The following PRSS16 variants were observed in gnomAD, a reference collection of about 807,000 sequenced individuals.
PRSS16 encodes the protein thymus-specific serine protease.
A neutral mutation model predicts 61.7 loss-of-function variants in PRSS16; 43 were observed. The ratio of observed to expected loss-of-function variants is 0.70; its 90% CI spans 0.55 to 0.90. PRSS16 has a LOEUF of 0.90. Ranked by LOEUF, PRSS16 falls within the 40% of genes least tolerant of loss-of-function variation. The pLI is 0.00. For synonymous variants in PRSS16, 273 were observed against 285.2 expected, an observed-to-expected ratio of 0.96 and a Z score of 0.43; for missense variants, 591 against 659.1, an observed-to-expected ratio of 0.90 and a Z score of 1.13.
At position 27,252,670 on chromosome 6, in the gene PRSS16, AC is replaced by A; in HGVS notation, c.1009-136del. On this transcript the variant is annotated intron_variant, in intron 8 of 11. Coordinates refer to ENST00000230582, the MANE Select transcript of PRSS16 (RefSeq NM_005865.4). The surrounding 1 kb of genome is among the most constrained non-coding windows in gnomAD (Gnocchi z 4.2). The stretch of plus-strand genomic sequence containing the variant: ...AGGACCCAGGCATCCACCCCCTCTG[AC>A]CACTGACTCCCAGGAGAACTCAGGA... The A allele has an allele frequency of 1.2e-6, 1 of 867,128 alleles. No homozygotes were observed. Among genetic ancestry groups the A allele is most frequent in the Non-Finnish European group, 1.8e-6 (1 of 560,282 alleles). The allele number at this position is 867,128 out of a possible 1,614,324, so 53.7% of individuals were successfully genotyped here. A position where few individuals can be genotyped will look rare whatever the true frequency, so the allele number is the denominator to read the frequency against.
intron 9 of PRSS16, 91 bp from the exon 10 acceptor site, chr6:27,254,602 G>A: frequency 8.0e-7 from 1 of 1,244,176 alleles, no homozygotes; most frequent in Non-Finnish European, 1.2e-6. Flanking sequence ...GAAATGTTCT[G>A]GTCATCACTG....
rs1284118401 is a variant in PRSS16, at chr6:27,251,568, G to A, written c.718-182G>A. The A allele has an allele frequency of 1.2e-6, 1 of 821,808 alleles. No homozygotes were observed. Among genetic ancestry groups the A allele is most frequent in the East Asian group, 2.8e-5 (1 of 35,614 alleles). The allele number at this position is 821,808 out of a possible 1,614,324, so 50.9% of individuals were successfully genotyped here. A position where few individuals can be genotyped will look rare whatever the true frequency, so the allele number is the denominator to read the frequency against. On this transcript the variant is annotated intron_variant, in intron 7 of 11. Transcript: ENST00000230582. This position sits in a 1 kb window ranked among gnomAD's most constrained non-coding sequence, Gnocchi z 5.6. ...CCTGCAGGGAAGACCCGAGAAGGAGGGCTGCGAGGCAGGGGATTGGGGGCG... is the reference window on the plus strand; with the variant it reads ...CCTGCAGGGAAGACCCGAGAAGGAGAGCTGCGAGGCAGGGGATTGGGGGCG...
chr6:27,251,452 G>A lies in PRSS16; in HGVS notation c.717+188G>A. The A allele has an allele frequency of 1.2e-6, 1 of 825,792 alleles. No homozygotes were observed. Among genetic ancestry groups the A allele is most frequent in the Non-Finnish European group, 1.8e-6 (1 of 546,782 alleles). 51.2% of individuals were successfully genotyped at this position (825,792 alleles called of 1,614,324 possible). ...GAAGAGGAGGGGCACCAGGAAAAGA[G>A]GCGCTCCCCAGAGAGGGCGGGGTTT... On this transcript the variant is annotated intron_variant, in intron 7 of 11. Coordinates refer to ENST00000230582, the MANE Select transcript of PRSS16 (RefSeq NM_005865.4). This position sits in a 1 kb window ranked among gnomAD's most constrained non-coding sequence, Gnocchi z 5.6.
chr6:27,255,314 GAA>G lies in PRSS16; in HGVS notation c.1545_*1del. 1 of 1,606,212 alleles carries G rather than the reference GAA, an allele frequency of 6.2e-7. No homozygotes were observed. The highest frequency in any genetic ancestry group is 8.5e-7 in the Non-Finnish European group (1 of 1,174,758). On this transcript the variant is annotated stop_lost and 3_prime_UTR_variant, in exon 12 of 12. Coordinates refer to ENST00000230582, the MANE Select transcript of PRSS16 (RefSeq NM_005865.4). This position sits in a 1 kb window ranked among gnomAD's most constrained non-coding sequence, Gnocchi z 4.4. ...GAGAGCCAGATTAAGGGTGAAGTCT[GAA>G]TCTCATACCCTTTCCACTCCCTGCA...
At position 27,251,994 on chromosome 6, in the gene PRSS16, A is replaced by G. The variant is rs1305749464; in HGVS notation, c.962A>G (p.Asn321Ser). The part of the protein sequence containing the change: ...LCGLLLGGGG[N>S]RSHSTPYCGL... Reference sequence around the variant, plus strand: ...GGACTTCTCCTCGGGGGCGGGGGCAACCGCAGCCACTCCACGCCCTACTGC... The same window carrying G: ...GGACTTCTCCTCGGGGGCGGGGGCAGCCGCAGCCACTCCACGCCCTACTGC... The change falls in exon 8 of 12, where the codon AAC (asparagine) becomes AGC (serine). Residue 321 changes from asparagine to serine, a missense_variant. Coordinates refer to ENST00000230582, the MANE Select transcript of PRSS16 (RefSeq NM_005865.4). The surrounding 1 kb of genome is among the most constrained non-coding windows in gnomAD (Gnocchi z 5.6). 5 of 1,581,216 alleles carry G rather than the reference A, an allele frequency of 3.2e-6. No individual in the cohort carries two copies. The highest frequency in any genetic ancestry group is 1.3e-5 in the African/African-American group (1 of 74,354).
chr6:27,250,616 C>T (rs1759856752), intron 4 of PRSS16, 67 bp from the exon 5 acceptor site: 1 of 1,512,804 alleles, frequency 6.6e-7, no homozygotes, highest in African/African-American at 1.4e-5. Context: ...CGGGTTTCCC[C>T]CAGAATGGGG....
rs1759927906 is a variant in PRSS16, at chr6:27,252,114, G to A, written c.1008+74G>A. On this transcript the variant is annotated intron_variant, in intron 8 of 11. Coordinates refer to ENST00000230582, the MANE Select transcript of PRSS16 (RefSeq NM_005865.4). This position sits in a 1 kb window ranked among gnomAD's most constrained non-coding sequence, Gnocchi z 4.2. ...TGCCCCACTTCCGTTGTGTGATCTT[G>A]GGCAAGCGAGAACCTTCTCTGAAAC... is the stretch of plus-strand genomic sequence containing the variant. 1 of 1,411,880 alleles carries A rather than the reference G, an allele frequency of 7.1e-7. No individual in the cohort carries two copies. The highest frequency in any genetic ancestry group is 9.2e-7 in the Non-Finnish European group (1 of 1,082,420). 87.5% of individuals were successfully genotyped at this position (1,411,880 alleles called of 1,614,324 possible). A position where few individuals can be genotyped will look rare whatever the true frequency, so the allele number is the denominator to read the frequency against.
rs1008100058 is a variant in PRSS16, at chr6:27,251,554, G to C, written c.718-196G>C. The C allele has an allele frequency of 7.5e-6, 5 of 663,572 alleles. No individual in the cohort carries two copies. Among genetic ancestry groups the C allele is most frequent in the African/African-American group, 2.0e-5 (1 of 49,706 alleles). 41.1% of individuals were successfully genotyped at this position (663,572 alleles called of 1,614,324 possible). ...AATGGAGGACGGGGCCTGCAGGGAA[G>C]ACCCGAGAAGGAGGGCTGCGAGGCA... is the stretch of plus-strand genomic sequence containing the variant. On this transcript the variant is annotated intron_variant, in intron 7 of 11. Transcript: ENST00000230582. This position sits in a 1 kb window ranked among gnomAD's most constrained non-coding sequence, Gnocchi z 5.6.
intron 3 of PRSS16, 31 bp from the exon 4 acceptor site, chr6:27,249,067 CCT>C (rs769285329): frequency 2.3e-6 from 2 of 875,708 alleles, no homozygotes; most frequent in South Asian, 3.1e-5. Flanking sequence ...TTGCATCTCA[CCT>C]CCCCACCCCC....
rs1689637323 is a variant in PRSS16, at chr6:27,251,760, C to T, written c.728C>T (p.Ala243Val). 8 of 1,603,486 alleles carry T rather than the reference C, an allele frequency of 5.0e-6. No individual in the cohort carries two copies. The highest frequency in any genetic ancestry group is 6.8e-6 in the Non-Finnish European group (8 of 1,178,014). The change falls in exon 8 of 12, where the codon GCG becomes GTG. Residue 243 changes from alanine (A) to valine (V), a missense_variant. Transcript: ENST00000230582. This position sits in a 1 kb window ranked among gnomAD's most constrained non-coding sequence, Gnocchi z 5.6. Reference sequence around the variant, plus strand: ...TCTTGCTTCCCACAGTGCCGGGCGGCGGTGTCCGTCGCCTTCGCTGAAGTG... The same window carrying T: ...TCTTGCTTCCCACAGTGCCGGGCGGTGGTGTCCGTCGCCTTCGCTGAAGTG... ...AIGGSLECRA[A>V]VSVAFAEVER...
Position 27,251,622 on chromosome 6 carries a change from G to A in PRSS16, c.718-128G>A. 8.0e-7 allele frequency: 1 copy of A among 1,246,174 alleles called. No homozygotes were observed. Among genetic ancestry groups the A allele is most frequent in the South Asian group, 1.6e-5 (1 of 61,174 alleles). 77.2% of individuals were successfully genotyped at this position (1,246,174 alleles called of 1,614,324 possible). On this transcript the variant is annotated intron_variant, in intron 7 of 11. Coordinates refer to ENST00000230582, the MANE Select transcript of PRSS16 (RefSeq NM_005865.4). This position sits in a 1 kb window ranked among gnomAD's most constrained non-coding sequence, Gnocchi z 5.6. ...GCCTGGGGGCGGGGGCCTGGGCCAA[G>A]AGCTAGGTCTGCACCCTCTGAGTCC...
Position 27,251,047 on chromosome 6 carries a change from C to T in PRSS16, c.597C>T (p.Pro199=). 6.2e-7 allele frequency: 1 copy of T among 1,613,984 alleles called. No homozygotes were observed. Among genetic ancestry groups the T allele is most frequent in the Non-Finnish European group, 8.5e-7 (1 of 1,180,046 alleles). ...SLAAWARLKF[P]HLIFASVASS... ...GACGGCGTCTCCTCCCTTAGTTCCC[C>T]CATCTCATTTTCGCGTCGGTCGCCT... The change falls in exon 6 of 12, where the codon CCC becomes CCT. Residue 199 remains proline (P), a synonymous_variant. Transcript: ENST00000230582. This position sits in a 1 kb window ranked among gnomAD's most constrained non-coding sequence, Gnocchi z 5.6.
Position 27,255,516 on chromosome 6 carries a change from A to AAC in PRSS16, c.*201_*202insAC. ...CTTTATTGCAGAGAGTTATGGAAATATAAGTGGATGATTATTCTCATTGTA... is the reference window on the plus strand; with the variant it reads ...CTTTATTGCAGAGAGTTATGGAAATAACTAAGTGGATGATTATTCTCATTGTA... On this transcript the variant is annotated 3_prime_UTR_variant, in exon 12 of 12. Coordinates refer to ENST00000230582, the MANE Select transcript of PRSS16 (RefSeq NM_005865.4). This position sits in a 1 kb window ranked among gnomAD's most constrained non-coding sequence, Gnocchi z 4.4. 1.8e-6 allele frequency: 1 copy of AAC among 559,738 alleles called. No homozygotes were observed. 34.7% of individuals were successfully genotyped at this position (559,738 alleles called of 1,614,324 possible). A position where few individuals can be genotyped will look rare whatever the true frequency, so the allele number is the denominator to read the frequency against.
chr6:27,255,545 A>G lies in PRSS16; in HGVS notation c.*230A>G. On this transcript the variant is annotated 3_prime_UTR_variant, in exon 12 of 12. Transcript: ENST00000230582. The surrounding 1 kb of genome is among the most constrained non-coding windows in gnomAD (Gnocchi z 4.4). Reference sequence around the variant, plus strand: ...GTGGATGATTATTCTCATTGTAAATATTGGTATTTTGAATGTTAAATGTCA... The same window carrying G: ...GTGGATGATTATTCTCATTGTAAATGTTGGTATTTTGAATGTTAAATGTCA... 2 of 487,538 alleles carry G rather than the reference A, an allele frequency of 4.1e-6. No individual in the cohort carries two copies. The highest frequency in any genetic ancestry group is 3.6e-5 in the East Asian group (1 of 27,958). The allele number at this position is 487,538 out of a possible 1,614,324, so 30.2% of individuals were successfully genotyped here.
At position 27,251,537 on chromosome 6, in the gene PRSS16, A is replaced by G. The variant is rs1759898342; in HGVS notation, c.718-213A>G. The G allele has an allele frequency of 4.9e-6, 3 of 608,126 alleles. No homozygotes were observed. The highest frequency in any genetic ancestry group is 2.3e-5 in the African/African-American group (1 of 42,830). 37.7% of individuals were successfully genotyped at this position (608,126 alleles called of 1,614,324 possible). The stretch of plus-strand genomic sequence containing the variant: ...AGGTGGGGCGGGGCCACAATGGAGG[A>G]CGGGGCCTGCAGGGAAGACCCGAGA... On this transcript the variant is annotated intron_variant, in intron 7 of 11. Coordinates refer to ENST00000230582, the MANE Select transcript of PRSS16 (RefSeq NM_005865.4). The surrounding 1 kb of genome is among the most constrained non-coding windows in gnomAD (Gnocchi z 5.6).
At chr6:27,250,119 G>A (rs1325382769) in intron 4 of PRSS16, among the ~76,000 whole-genome samples, 1 of 152,128 alleles carries the variant, frequency 6.6e-6, no homozygotes. Context: ...CTCCATCTCT[G>A]TCTCTCTGCA....
chr6:27,249,910 C>G (rs1038467647), intron 4 of PRSS16, among the ~76,000 whole-genome samples: 4 of 152,308 alleles, frequency 2.6e-5, no homozygotes, highest in Non-Finnish European at 2.9e-5. Context: ...CCCCAGCCTC[C>G]TTCAGTGCAT....
chr6:27,250,155 G>C (rs1759846537), intron 4 of PRSS16, among the ~76,000 whole-genome samples: 2 of 152,106 alleles, frequency 1.3e-5, no homozygotes, highest in Admixed American at 6.5e-5. Context: ...CAAGCGAAAC[G>C]GTTTTCTAAC....
Position 27,252,122 on chromosome 6 carries a change from G to A in PRSS16, c.1008+82G>A, listed in dbSNP as rs1047440330. 25 of 1,391,302 alleles carry A rather than the reference G, an allele frequency of 1.8e-5. No individual in the cohort carries two copies. Among genetic ancestry groups the A allele is most frequent in the South Asian group, 3.1e-5 (2 of 64,856 alleles). 86.2% of individuals were successfully genotyped at this position (1,391,302 alleles called of 1,614,324 possible). On this transcript the variant is annotated intron_variant, in intron 8 of 11. Transcript: ENST00000230582. The surrounding 1 kb of genome is among the most constrained non-coding windows in gnomAD (Gnocchi z 4.2). ...TTCCGTTGTGTGATCTTGGGCAAGC[G>A]AGAACCTTCTCTGAAACTTCGTTTT...
Sources: gnomAD v4.1 joint callset for allele counts (sites outside exome capture counted in the v4.1 genomes callset) on GRCh38, gnomAD v4.1.1 for gene constraint, Gnocchi (gnomAD v3.1) non-coding constraint, MANE v1.5 for transcripts, NCBI Gene and HGNC (gene_info 2026-07-23, HGNC 2026-07-21) for gene names.